PRKG1: variants seen among roughly 807,000 people sequenced by gnomAD.
PRKG1 encodes cGMP-dependent protein kinase 1.
Under a neutral mutation model 88.1 loss-of-function variants are expected in PRKG1, and 35 were observed. That is an observed-to-expected ratio of 0.40 (90% CI 0.30 to 0.53). The LOEUF is 0.53. PRKG1 is among the 20% of genes least tolerant of loss of function. The pLI, the probability that PRKG1 is intolerant of heterozygous loss-of-function variation, is 0.59. For missense variants in PRKG1, 540 were observed against 839.8 expected, an observed-to-expected ratio of 0.64 and a Z score of 4.41; for synonymous variants, 303 against 292.5, an observed-to-expected ratio of 1.04 and a Z score of -0.37.
intron 4 of PRKG1, among the ~76,000 whole-genome samples, chr10:51,855,204 C>T (rs1840649908): frequency 1.3e-5 from 2 of 152,132 alleles, no homozygotes; most frequent in Non-Finnish European, 2.9e-5. Context: ...TACTCTCTAT[C>T]TTTCAGCCTA....
At chr10:52,158,637 T>A (rs1156343054) in intron 8 of PRKG1, among the ~76,000 whole-genome samples, 2 of 151,660 alleles carry the variant, frequency 1.3e-5, no homozygotes, top group Non-Finnish European at 3.0e-5. Flanking sequence ...TTTCTTAAAC[T>A]TCCGGTTATG....
intron 3 of PRKG1, among the ~76,000 whole-genome samples, chr10:51,693,872 G>C (rs1841213428): frequency 6.6e-6 from 1 of 151,478 alleles, no homozygotes; most frequent in Non-Finnish European, 1.5e-5. Context: ...TTTGTTTCAG[G>C]GTGCATAAAA....
At chr10:51,228,198 G>T (rs915567245) in intron 2 of PRKG1, among the ~76,000 whole-genome samples, 1 of 152,130 alleles carries the variant, frequency 6.6e-6, no homozygotes, top group Admixed American at 6.6e-5. Context: ...TAAAGGTCTG[G>T]GATAGATGCA....
Position 51,715,029 on chromosome 10 carries a change from C to CAT in PRKG1, c.593-89545_593-89544dup, listed in dbSNP as rs111993755. Among the ~76,000 whole-genome samples, 1,313 of 151,668 alleles carry CAT rather than the reference C, an allele frequency of 8.7e-3. 5 individuals carry two copies. Among genetic ancestry groups the CAT allele is most frequent in the Middle Eastern group, 0.027 (8 of 292 alleles). On this transcript the variant is annotated intron_variant, in intron 3 of 17. Coordinates refer to ENST00000373980, the MANE Select transcript of PRKG1 (RefSeq NM_006258.4). ...TTTTTATTTCCCCCCGTGGGATGTG[C>CAT]ATATATATATATGAGCTGTTCATTG...
chr10:52,080,127 C>T (rs1208419894), intron 7 of PRKG1, among the ~76,000 whole-genome samples: 1 of 152,178 alleles, frequency 6.6e-6, no homozygotes, highest in African/African-American at 2.4e-5. Context: ...CCTAAATTCT[C>T]AAGAAATATG....
intron 7 of PRKG1, among the ~76,000 whole-genome samples, chr10:52,096,549 C>T (rs549998552): frequency 6.6e-6 from 1 of 152,260 alleles, no homozygotes; most frequent in African/African-American, 2.4e-5. Flanking sequence ...TGGGAAAATG[C>T]AGTAAAAACA....
chr10:51,410,499 A>G (rs140835455), intron 2 of PRKG1, among the ~76,000 whole-genome samples: 2 of 152,166 alleles, frequency 1.3e-5, no homozygotes, highest in East Asian at 3.9e-4. Context: ...TGCCTGCTTT[A>G]TATTTGCTGG....
intron 6 of PRKG1, among the ~76,000 whole-genome samples, chr10:52,061,851 A>T (rs1412129461): frequency 6.6e-6 from 1 of 152,120 alleles, no homozygotes; most frequent in African/African-American, 2.4e-5. Flanking sequence ...TGAAAATGAG[A>T]TGTGTCTTCA....
At chr10:51,040,459 C>G (rs1027720692) in intron 1 of PRKG1, among the ~76,000 whole-genome samples, 1 of 151,456 alleles carries the variant, frequency 6.6e-6, no homozygotes, top group African/African-American at 2.4e-5. Context: ...GCTGGGATTA[C>G]AGGTGCCCTC....
intron 2 of PRKG1, among the ~76,000 whole-genome samples, chr10:51,342,108 T>A (rs2132548922): frequency 6.6e-6 from 1 of 152,314 alleles, no homozygotes; most frequent in African/African-American, 2.4e-5. Context: ...GACACGTATT[T>A]TAGCCTAGAG....
intron 3 of PRKG1, among the ~76,000 whole-genome samples, chr10:51,733,618 G>A (rs1240268071): frequency 6.6e-6 from 1 of 152,104 alleles, no homozygotes; most frequent in Non-Finnish European, 1.5e-5. Flanking sequence ...ACTTTTTGTT[G>A]AGGATGATTT....
chr10:51,790,408 A>G (rs546293252), intron 3 of PRKG1, among the ~76,000 whole-genome samples: 1 of 152,276 alleles, frequency 6.6e-6, no homozygotes, highest in South Asian at 2.1e-4. Flanking sequence ...AGTATCCACC[A>G]TGAGTTATTT....
chr10:51,055,733 G>A (rs1053721556), intron 1 of PRKG1, among the ~76,000 whole-genome samples: 220 of 146,200 alleles, frequency 1.5e-3, no homozygotes, highest in African/African-American at 5.9e-3. Flanking sequence ...GCCAGACTCC[G>A]TCTCAAAAAA....
chr10:51,670,435 C>A (rs1396295852), intron 3 of PRKG1, among the ~76,000 whole-genome samples: 3 of 150,806 alleles, frequency 2.0e-5, no homozygotes, highest in Non-Finnish European at 4.4e-5. Flanking sequence ...CTTCAGTTAA[C>A]ATTTAAAAAT....
intron 1 of PRKG1, among the ~76,000 whole-genome samples, chr10:51,033,620 C>T (rs1285034679): frequency 2.0e-5 from 3 of 152,254 alleles, no homozygotes; most frequent in South Asian, 2.1e-4. Context: ...ATCTACCACA[C>T]GGCCCTCTAG....
At chr10:51,854,424 A>C (rs1449578076) in intron 4 of PRKG1, among the ~76,000 whole-genome samples, 1 of 152,170 alleles carries the variant, frequency 6.6e-6, no homozygotes, top group African/African-American at 2.4e-5. Context: ...AATTCACATG[A>C]TAATGTCACC....
chr10:50,991,406 A>G lies in PRKG1; in HGVS notation c.28A>G (p.Lys10Glu). ...GAGCGAGCTAGAGGAAGACTTTGCC[A>G]AGATTCTCATGCTCAAGGAGGAGAG... Residue 10 changes from lysine (K) to glutamate (E), a missense_variant, in exon 1 of 18, where the codon AAG becomes GAG. Coordinates refer to the PRKG1 transcript ENST00000401604. The surrounding 1 kb of genome is among the most constrained non-coding windows in gnomAD (Gnocchi z 4.5). The G allele has an allele frequency of 1.3e-6, 2 of 1,560,584 alleles. No homozygotes were observed. Among genetic ancestry groups the G allele is most frequent in the South Asian group, 1.2e-5 (1 of 84,536 alleles).
intron 2 of PRKG1, among the ~76,000 whole-genome samples, chr10:51,186,316 T>A (rs1837486032): frequency 6.6e-6 from 1 of 152,030 alleles, no homozygotes; most frequent in Non-Finnish European, 1.5e-5. Flanking sequence ...TTGGTGTTTT[T>A]TCCAACACAT....
intron 4 of PRKG1, among the ~76,000 whole-genome samples, chr10:51,865,863 T>TA (rs1290201296): frequency 2.6e-5 from 4 of 152,044 alleles, no homozygotes; most frequent in Non-Finnish European, 5.9e-5. Flanking sequence ...AAATATATAA[T>TA]AAGCATTATT....
Sources: allele counts gnomAD v4.1 joint callset (sites outside exome capture counted in the v4.1 genomes callset), GRCh38; gene constraint gnomAD v4.1.1; non-coding constraint Gnocchi (gnomAD v3.1); transcripts MANE v1.5; gene names NCBI Gene and HGNC (gene_info 2026-07-23, HGNC 2026-07-21).